The following LHX2 variants were observed in gnomAD, a reference collection of about 807,000 sequenced individuals.
LHX2 encodes the protein LIM homeobox 2.
Under a neutral mutation model 33.0 loss-of-function variants are expected in LHX2, and 6 were observed. The ratio of observed to expected loss-of-function variants is 0.18; its 90% CI spans 0.10 to 0.36. The LOEUF (loss-of-function observed/expected upper bound fraction) is 0.36. Ranked by LOEUF, LHX2 falls within the 10% of genes least tolerant of loss-of-function variation. The pLI, the probability that LHX2 is intolerant of heterozygous loss-of-function variation, is 1.00. For synonymous variants in LHX2, 292 were observed against 253.1 expected, an observed-to-expected ratio of 1.15 and a Z score of -1.46; for missense variants, 442 against 586.2, an observed-to-expected ratio of 0.75 and a Z score of 2.54.
chr9:124,029,555 C>T (rs933227353), intron 4 of LHX2, among the ~76,000 whole-genome samples: 35 of 152,114 alleles, frequency 2.3e-4, no homozygotes, highest in Admixed American at 2.2e-3. Flanking sequence ...TAGTTGTGGA[C>T]GATGGTGTCA....
At chr9:124,025,300 G>A (rs952773159) in intron 4 of LHX2, among the ~76,000 whole-genome samples, 3 of 152,118 alleles carry the variant, frequency 2.0e-5, no homozygotes, top group African/African-American at 7.2e-5. Flanking sequence ...AATTAGCCGG[G>A]CGTGGTGGCA....
chr9:124,027,571 C>G (rs1828644875), intron 4 of LHX2, among the ~76,000 whole-genome samples: 1 of 152,098 alleles, frequency 6.6e-6, no homozygotes, highest in South Asian at 2.1e-4. Context: ...GTAATCCCAG[C>G]ACTTTGGGAG....
chr9:124,026,731 A>G (rs948816445), intron 4 of LHX2, among the ~76,000 whole-genome samples: 1 of 152,202 alleles, frequency 6.6e-6, no homozygotes, highest in Admixed American at 6.5e-5. Flanking sequence ...CCCAAATTTT[A>G]TTTGGCCATA....
intron 4 of LHX2, among the ~76,000 whole-genome samples, chr9:124,026,624 G>A (rs998265154): frequency 3.3e-5 from 5 of 152,252 alleles, no homozygotes; most frequent in African/African-American, 1.2e-4. Flanking sequence ...AAGGCTCAAG[G>A]TTGACTGTGT....
At position 124,012,384 on chromosome 9, in the gene LHX2, C is replaced by G; in HGVS notation, c.36C>G (p.His12Gln). ...LFHSLSGPEVHGVIDEMDRRA... is the reference protein window; with the variant it reads ...LFHSLSGPEVQGVIDEMDRRA... ...ACAGTCTGTCGGGCCCCGAGGTGCA[C>G]GGGGTCATCGACGAGATGGACCGCA... The change falls in exon 1 of 5, where the codon CAC becomes CAG. Residue 12 changes from histidine to glutamine, a missense_variant. His to Gln is a conservative substitution (Grantham distance 24, BLOSUM62 0). Coordinates refer to ENST00000373615, the MANE Select transcript of LHX2 (RefSeq NM_004789.4). The surrounding 1 kb of genome is among the most constrained non-coding windows in gnomAD (Gnocchi z 4.3). 6.5e-7 allele frequency: 1 copy of G among 1,530,538 alleles called. No homozygotes were observed. Among genetic ancestry groups the G allele is most frequent in the Non-Finnish European group, 8.7e-7 (1 of 1,143,328 alleles). The allele number at this position is 1,530,538 out of a possible 1,614,324, so 94.8% of individuals were successfully genotyped here.
In LHX2 at chr9:124,012,329, G is replaced by C. The variant is rs967525166; in HGVS notation, c.-20G>C. The C allele has an allele frequency of 1.3e-6, 2 of 1,486,606 alleles. No homozygotes were observed. The highest frequency in any genetic ancestry group is 5.9e-5 in the East Asian group (2 of 34,130). 92.1% of individuals were successfully genotyped at this position (1,486,606 alleles called of 1,614,324 possible). ...CTCCCTCGGAGGAGCCGCGCCCCCG[G>C]CCCCGCCGGTCCCGCCGCGATGCTG... On this transcript the variant is annotated 5_prime_UTR_variant, in exon 1 of 5. Transcript: ENST00000373615. This position sits in a 1 kb window ranked among gnomAD's most constrained non-coding sequence, Gnocchi z 4.3.
chr9:124,022,171 A>T (rs1859304466), intron 4 of LHX2, among the ~76,000 whole-genome samples: 1 of 152,062 alleles, frequency 6.6e-6, no homozygotes, highest in African/African-American at 2.4e-5. Flanking sequence ...CCTTTTACTC[A>T]TTTTAGGGTC....
At chr9:124,024,952 A>G (rs76846703) in intron 4 of LHX2, among the ~76,000 whole-genome samples, 1,539 of 152,282 alleles carry the variant, frequency 0.01, 35 homozygotes, top group African/African-American at 0.035. Flanking sequence ...GCAGCAGTAC[A>G]GTGGGAGAGG....
At position 124,014,428 on chromosome 9, in the gene LHX2, C is replaced by CA. The variant is rs950154481; in HGVS notation, c.323+271dup. Among the ~76,000 whole-genome samples, 1 of 152,084 alleles carries CA rather than the reference C, an allele frequency of 6.6e-6. No individual in the cohort carries two copies. ...GCCCTCCTGCTCGGAGCTTAGACCACAAAAAAGCTTGAGTTGGGATCCTTG... is the reference window on the plus strand; with the variant it reads ...GCCCTCCTGCTCGGAGCTTAGACCACAAAAAAAGCTTGAGTTGGGATCCTTG... On this transcript the variant is annotated intron_variant, in intron 2 of 4. Coordinates refer to ENST00000373615, the MANE Select transcript of LHX2 (RefSeq NM_004789.4). This position sits in a 1 kb window ranked among gnomAD's most constrained non-coding sequence, Gnocchi z 4.8.
intron 4 of LHX2, among the ~76,000 whole-genome samples, chr9:124,023,919 C>T (rs1828561414): frequency 6.6e-6 from 1 of 152,194 alleles, no homozygotes; most frequent in Non-Finnish European, 1.5e-5. Flanking sequence ...AAGGACCAAC[C>T]ATGCTGTGTA....
intron 4 of LHX2, among the ~76,000 whole-genome samples, chr9:124,028,329 T>A (rs865976027): frequency 2.0e-5 from 3 of 152,184 alleles, no homozygotes; most frequent in African/African-American, 7.2e-5. Context: ...GTCCTGATGA[T>A]TCTCTGTCTG....
intron 4 of LHX2, 97 bp downstream of exon 4, chr9:124,021,401 T>G: frequency 1.0e-6 from 1 of 983,762 alleles, no homozygotes; most frequent in Non-Finnish European, 1.5e-6. Flanking sequence ...CCTTCCACCC[T>G]GTGTCTGCTT....
chr9:124,015,396 G>C lies in LHX2; in HGVS notation c.598G>C (p.Gly200Arg). ...AAAAAAAKSA[G>R]LGAAGANPLG... Reference sequence around the variant, plus strand: ...TGCAGCCGCGGCGGCCAAGAGCGCGGGGCTGGGCGCAGCAGGGGCCAACCC... The same window carrying C: ...TGCAGCCGCGGCGGCCAAGAGCGCGCGGCTGGGCGCAGCAGGGGCCAACCC... The change falls in exon 3 of 5, where the codon GGG becomes CGG. Residue 200 changes from glycine (G) to arginine (R), a missense_variant. This residue lies in a region of LHX2 where 132 missense variants were observed against 139.1 expected (regional missense o/e 0.95). Transcript: ENST00000373615. This position sits in a 1 kb window ranked among gnomAD's most constrained non-coding sequence, Gnocchi z 7.9. 1 of 1,608,394 alleles carries C rather than the reference G, an allele frequency of 6.2e-7. No individual in the cohort carries two copies. Among genetic ancestry groups the C allele is most frequent in the Non-Finnish European group, 8.5e-7 (1 of 1,177,120 alleles).
At chr9:124,026,224 G>A (rs528772752) in intron 4 of LHX2, among the ~76,000 whole-genome samples, 1 of 152,066 alleles carries the variant, frequency 6.6e-6, no homozygotes, top group Non-Finnish European at 1.5e-5. Context: ...TTTGGGAGGC[G>A]GAGGCGGGTG....
chr9:124,017,771 G>A (rs1296583964), intron 3 of LHX2, among the ~76,000 whole-genome samples: 1 of 152,110 alleles, frequency 6.6e-6, no homozygotes, highest in Non-Finnish European at 1.5e-5. Flanking sequence ...CCGGGCGCTG[G>A]GCTTACAGCA....
In LHX2 at chr9:124,032,646, G is replaced by A. The variant is rs1305979331; in HGVS notation, c.1160G>A (p.Gly387Asp). The change falls in exon 5 of 5, where the codon GGC (glycine) becomes GAC (aspartate). Residue 387 changes from glycine to aspartate, a missense_variant. Gly to Asp is a moderately conservative substitution (Grantham distance 94). Coordinates refer to ENST00000373615, the MANE Select transcript of LHX2 (RefSeq NM_004789.4). The surrounding 1 kb of genome is among the most constrained non-coding windows in gnomAD (Gnocchi z 4.1). Reference sequence around the variant, plus strand: ...ACGTCCGTCTTAACTTCTGTGCCTGGCAACCTGGAGGGCCATGAGCCTCAC... The same window carrying A: ...ACGTCCGTCTTAACTTCTGTGCCTGACAACCTGGAGGGCCATGAGCCTCAC... ...TVTSVLTSVPGNLEGHEPHSP... is the reference protein window; with the variant it reads ...TVTSVLTSVPDNLEGHEPHSP... The A allele has an allele frequency of 6.2e-7, 1 of 1,613,658 alleles. No individual in the cohort carries two copies. Among genetic ancestry groups the A allele is most frequent in the South Asian group, 1.1e-5 (1 of 91,022 alleles).
intron 4 of LHX2, among the ~76,000 whole-genome samples, chr9:124,027,436 A>T (rs931487391): frequency 6.6e-6 from 1 of 152,202 alleles, no homozygotes; most frequent in Admixed American, 6.5e-5. Flanking sequence ...ACTCCTGCAA[A>T]TTGGCAATAA....
In LHX2 at chr9:124,012,397, G is replaced by A. The variant is rs755380207; in HGVS notation, c.49G>A (p.Glu17Lys). 6.5e-7 allele frequency: 1 copy of A among 1,533,394 alleles called. No homozygotes were observed. The highest frequency in any genetic ancestry group is 2.0e-5 in the Admixed American group (1 of 50,936). The allele number at this position is 1,533,394 out of a possible 1,614,324, so 95.0% of individuals were successfully genotyped here. The change falls in exon 1 of 5, where the codon GAG becomes AAG. Residue 17 changes from glutamate to lysine, a missense_variant. By Grantham distance (56) the Glu-to-Lys change is moderately conservative. This residue lies in a region of LHX2 where 97 missense variants were observed against 81.5 expected (regional missense o/e 1.19). Coordinates refer to ENST00000373615, the MANE Select transcript of LHX2 (RefSeq NM_004789.4). This position sits in a 1 kb window ranked among gnomAD's most constrained non-coding sequence, Gnocchi z 4.3. ...SGPEVHGVIDEMDRRAKSEAP... is the reference protein window; with the variant it reads ...SGPEVHGVIDKMDRRAKSEAP... ...CCCCGAGGTGCACGGGGTCATCGAC[G>A]AGATGGACCGCAGGGCCAAGAGCGA...
chr9:124,031,119 C>T (rs1280752561), intron 4 of LHX2, among the ~76,000 whole-genome samples: 1 of 152,172 alleles, frequency 6.6e-6, no homozygotes, highest in Non-Finnish European at 1.5e-5. Flanking sequence ...TAAGTCGATA[C>T]GGGATGCAGC....
Sources: gnomAD v4.1 joint callset for allele counts (sites outside exome capture counted in the v4.1 genomes callset) on GRCh38, gnomAD v4.1.1 for gene constraint, gnomAD v4.1.1 regional missense constraint, Gnocchi (gnomAD v3.1) non-coding constraint, MANE v1.5 for transcripts, NCBI Gene and HGNC (gene_info 2026-07-23, HGNC 2026-07-21) for gene names.